Variants in ANGPTL1 observed in about 807,000 individuals in gnomAD.
The protein encoded by ANGPTL1 is angiopoietin-related protein 1.
ANGPTL1 carries 36 observed loss-of-function variants against 46.7 expected under a neutral mutation model. That is an observed-to-expected ratio of 0.77 (90% CI 0.59 to 1.02). ANGPTL1 has a LOEUF of 1.02. Among genes scored for constraint, ANGPTL1 ranks in the 50% least tolerant of loss-of-function variants. ANGPTL1 has a pLI of 0.00. For synonymous variants in ANGPTL1, 221 were observed against 204.3 expected (o/e 1.08, Z -0.69); for missense variants, 571 against 594.7 (o/e 0.96, Z 0.41).
intron 3 of ANGPTL1, among the ~76,000 whole-genome samples, chr1:178,858,416 A>G (rs1657735544): frequency 1.3e-5 from 2 of 152,200 alleles, no homozygotes; most frequent in Non-Finnish European, 2.9e-5. Context: ...GAGAAGCCAG[A>G]TTTAATTCAC....
At chr1:178,854,005 A>G (rs1657362913) in intron 3 of ANGPTL1, among the ~76,000 whole-genome samples, 1 of 151,970 alleles carries the variant, frequency 6.6e-6, no homozygotes, top group Admixed American at 6.6e-5. Context: ...TTTTCCATAT[A>G]TGTATTTTTT....
In ANGPTL1 at chr1:178,850,381, T is replaced by C. The variant is rs1437206767; in HGVS notation, c.*748A>G. ...ACCAATATTTTGCTGATTTTAGAAC[T>C]ACATAAAATGCATTTCTGGAGATTT... is the stretch of plus-strand genomic sequence containing the variant. On this transcript the variant is annotated 3_prime_UTR_variant, in exon 6 of 6. Transcript: ENST00000234816. 6.6e-6 allele frequency: 1 copy of C among 152,600 alleles called. No homozygotes were observed. The highest frequency in any genetic ancestry group is 1.5e-5 in the Non-Finnish European group (1 of 68,032). The allele number at this position is 152,600 out of a possible 1,614,324, so 9.5% of individuals were successfully genotyped here.
At chr1:178,851,872 G>C (rs955857101) in intron 5 of ANGPTL1, among the ~76,000 whole-genome samples, 1 of 152,102 alleles carries the variant, frequency 6.6e-6, no homozygotes, top group East Asian at 1.9e-4. Context: ...GGACAGGGAT[G>C]GGGGAGAATT....
intron 2 of ANGPTL1, among the ~76,000 whole-genome samples, chr1:178,866,894 CT>C (rs1400233663): frequency 1.3e-5 from 2 of 152,120 alleles, no homozygotes; most frequent in Non-Finnish European, 2.9e-5. Flanking sequence ...AGAGCCAAGA[CT>C]TTTTCCTTTC....
Position 178,865,796 on chromosome 1 carries a change from A to G in ANGPTL1, c.-20T>C. On this transcript the variant is annotated 5_prime_UTR_variant, in exon 3 of 6. Coordinates refer to ENST00000234816, the MANE Select transcript of ANGPTL1 (RefSeq NM_004673.4). ...CTTCATTTTGAAATGAGGTTGTAAAATGATGTCTTTTGAAAAACAAATCAG... is the reference window on the plus strand; with the variant it reads ...CTTCATTTTGAAATGAGGTTGTAAAGTGATGTCTTTTGAAAAACAAATCAG... 1 of 1,534,830 alleles carries G rather than the reference A, an allele frequency of 6.5e-7. No individual in the cohort carries two copies. Among genetic ancestry groups the G allele is most frequent in the Non-Finnish European group, 8.7e-7 (1 of 1,143,282 alleles).
rs1285273667 is a variant in ANGPTL1, at chr1:178,850,371, A to G, written c.*758T>C. On this transcript the variant is annotated 3_prime_UTR_variant, in exon 6 of 6. Coordinates refer to ENST00000234816, the MANE Select transcript of ANGPTL1 (RefSeq NM_004673.4). ...TTTTTGTAATACCAATATTTTGCTG[A>G]TTTTAGAACTACATAAAATGCATTT... is the stretch of plus-strand genomic sequence containing the variant. 6.6e-6 allele frequency: 1 copy of G among 152,560 alleles called. No individual in the cohort carries two copies. The highest frequency in any genetic ancestry group is 1.5e-5 in the Non-Finnish European group (1 of 68,014). The allele number at this position is 152,560 out of a possible 1,614,324, so 9.5% of individuals were successfully genotyped here.
At chr1:178,860,120 C>G (rs35702974) in intron 3 of ANGPTL1, among the ~76,000 whole-genome samples, 33,611 of 152,002 alleles carry the variant, frequency 0.22, 4,786 homozygotes, top group Non-Finnish European at 0.32. Flanking sequence ...AAGGAACTTT[C>G]TCCACTCAGC....
intron 3 of ANGPTL1, among the ~76,000 whole-genome samples, chr1:178,860,319 A>G (rs1335209496): frequency 1.3e-5 from 2 of 152,156 alleles, no homozygotes; most frequent in African/African-American, 4.8e-5. Flanking sequence ...GAAGAAGGTA[A>G]TGTGTTTGAA....
intron 5 of ANGPTL1, among the ~76,000 whole-genome samples, chr1:178,852,120 T>C (rs1044205341): frequency 2.6e-5 from 4 of 152,182 alleles, no homozygotes; most frequent in Admixed American, 1.3e-4. Context: ...TCCAAATGGC[T>C]TGCATCCTTC....
At chr1:178,860,366 C>A (rs981776426) in intron 3 of ANGPTL1, among the ~76,000 whole-genome samples, 40 of 151,960 alleles carry the variant, frequency 2.6e-4, no homozygotes, top group African/African-American at 9.2e-4. Flanking sequence ...TTTATAACTT[C>A]ATGGGTTTTT....
chr1:178,858,607 AG>A (rs1439706655), intron 3 of ANGPTL1, among the ~76,000 whole-genome samples: 1 of 152,194 alleles, frequency 6.6e-6, no homozygotes, highest in Non-Finnish European at 1.5e-5. Context: ...TTGAAGAACC[AG>A]TCTCTCTGTT....
intron 5 of ANGPTL1, 141 bp from the exon 6 acceptor site, chr1:178,851,457 T>A: frequency 1.5e-6 from 1 of 687,842 alleles, no homozygotes; most frequent in Non-Finnish European, 2.2e-6. Flanking sequence ...TTTAAATGCC[T>A]TCACTTACTT....
chr1:178,870,069 T>A (rs1449006949), intron 1 of ANGPTL1, among the ~76,000 whole-genome samples: 1 of 152,132 alleles, frequency 6.6e-6, no homozygotes, highest in Non-Finnish European at 1.5e-5. Flanking sequence ...TCCAAGTGAT[T>A]CCATTTGTAG....
rs967553121 is a variant in ANGPTL1 at position 178,849,663 on chromosome 1, A to G, written c.*1466T>C. 1.3e-5 allele frequency: 2 copies of G among 152,230 alleles called. No individual in the cohort carries two copies. The highest frequency in any genetic ancestry group is 2.4e-5 in the African/African-American group (1 of 41,474). 9.4% of individuals were successfully genotyped at this position (152,230 alleles called of 1,614,324 possible). ...GGAAGTGGAGAGGGACTGAAAAACC[A>G]GTTTAAGATGACCACAGGTAAAACA... On this transcript the variant is annotated 3_prime_UTR_variant, in exon 6 of 6. Coordinates refer to ENST00000234816, the MANE Select transcript of ANGPTL1 (RefSeq NM_004673.4).
intron 2 of ANGPTL1, among the ~76,000 whole-genome samples, chr1:178,868,241 C>A (rs1312154887): frequency 6.6e-6 from 1 of 151,774 alleles, no homozygotes; most frequent in Non-Finnish European, 1.5e-5. Flanking sequence ...ACCAATAAAA[C>A]ATTTATTATA....
intron 3 of ANGPTL1, among the ~76,000 whole-genome samples, chr1:178,858,502 A>G (rs1323325283): frequency 6.6e-6 from 1 of 152,172 alleles, no homozygotes; most frequent in African/African-American, 2.4e-5. Flanking sequence ...AAAAGGTATA[A>G]ACTGGAATTA....
At position 178,850,837 on chromosome 1, in the gene ANGPTL1, G is replaced by C. The variant is rs1657123626; in HGVS notation, c.*292C>G. 1 of 229,752 alleles carries C rather than the reference G, an allele frequency of 4.4e-6. No homozygotes were observed. The highest frequency in any genetic ancestry group is 1.6e-4 in the South Asian group (1 of 6,268). The allele number at this position is 229,752 out of a possible 1,614,324, so 14.2% of individuals were successfully genotyped here. On this transcript the variant is annotated 3_prime_UTR_variant, in exon 6 of 6. Coordinates refer to ENST00000234816, the MANE Select transcript of ANGPTL1 (RefSeq NM_004673.4). Reference sequence around the variant, plus strand: ...CATGTTATTTATGATTTAAAATATAGCTAAGATTTGCTTTACATTGTGGCA... The same window carrying C: ...CATGTTATTTATGATTTAAAATATACCTAAGATTTGCTTTACATTGTGGCA...
At chr1:178,862,615 T>G (rs1658110609) in intron 3 of ANGPTL1, among the ~76,000 whole-genome samples, 1 of 151,184 alleles carries the variant, frequency 6.6e-6, no homozygotes, top group Non-Finnish European at 1.5e-5. Flanking sequence ...ATTTATTTAT[T>G]TATTTATTTA....
chr1:178,859,866 G>A (rs112200229), intron 3 of ANGPTL1, among the ~76,000 whole-genome samples: 6,158 of 112,678 alleles, frequency 0.055, 581 homozygotes, highest in African/African-American at 0.2. Flanking sequence ...ACAGGCGCCC[G>A]CCACCACGCC....
Sources: allele counts gnomAD v4.1 joint callset (sites outside exome capture counted in the v4.1 genomes callset), GRCh38; gene constraint gnomAD v4.1.1; transcripts MANE v1.5; gene names NCBI Gene and HGNC (gene_info 2026-07-23, HGNC 2026-07-21).